The following AAGAB variants were observed in gnomAD, a reference collection of about 807,000 sequenced individuals.
AAGAB encodes the protein alpha and gamma adaptin binding protein, also known as alpha- and gamma-adaptin-binding protein p34.
In AAGAB, 38 loss-of-function variants were observed where a neutral mutation model predicts 44.1. The ratio of observed to expected loss-of-function variants is 0.86; its 90% CI spans 0.67 to 1.13. The LOEUF (loss-of-function observed/expected upper bound fraction) is 1.13. Among genes scored for constraint, AAGAB ranks in the 50% most tolerant of loss-of-function variants. AAGAB has a pLI of 0.00. For missense variants in AAGAB, 450 were observed against 373.8 expected (o/e 1.20, Z -1.68); for synonymous variants, 131 against 131.8 (o/e 0.99, Z 0.04).
chr15:67,225,278 G>A (rs546068354), intron 5 of AAGAB, among the ~76,000 whole-genome samples: 26 of 152,240 alleles, frequency 1.7e-4, no homozygotes, highest in South Asian at 4.1e-4. Flanking sequence ...GATTTTGCAC[G>A]TATACTATCA....
intron 5 of AAGAB, among the ~76,000 whole-genome samples, chr15:67,225,870 C>A (rs1595994967): frequency 6.6e-6 from 1 of 152,280 alleles, no homozygotes; most frequent in East Asian, 1.9e-4. Context: ...GTTTCCAGTT[C>A]TCTTCGGTAT....
chr15:67,238,920 C>A (rs1049877465), intron 1 of AAGAB, among the ~76,000 whole-genome samples: 1 of 152,170 alleles, frequency 6.6e-6, no homozygotes, highest in Non-Finnish European at 1.5e-5. Context: ...TGGTCTCGAT[C>A]TCCTGACCTC....
chr15:67,237,083 G>GA (rs996344182), intron 1 of AAGAB, among the ~76,000 whole-genome samples: 10 of 151,886 alleles, frequency 6.6e-5, no homozygotes, highest in African/African-American at 2.4e-4. Flanking sequence ...AGTAGTAAAG[G>GA]AAAAAACAGT....
intron 1 of AAGAB, among the ~76,000 whole-genome samples, chr15:67,238,941 C>A (rs1040851745): frequency 2.0e-5 from 3 of 152,068 alleles, no homozygotes; most frequent in Non-Finnish European, 2.9e-5. Flanking sequence ...GTGATCCGCC[C>A]GCCTCGGCCT....
intron 5 of AAGAB, among the ~76,000 whole-genome samples, chr15:67,218,943 A>C (rs1335311912): frequency 2.0e-5 from 3 of 152,170 alleles, no homozygotes; most frequent in African/African-American, 7.2e-5. Context: ...CTATGACTGG[A>C]GATATCTAAA....
At position 67,252,975 on chromosome 15, in the gene AAGAB, G is replaced by T. The variant is rs112672270; in HGVS notation, c.73+1584C>A. 5.7e-3 allele frequency among the ~76,000 whole-genome samples: 866 copies of T among 152,242 alleles called. 6 individuals carry two copies. The highest frequency in any genetic ancestry group is 0.02 in the African/African-American group (818 of 41,536). ...CTGTCCTTCAAATACTCCTGAAATA[G>T]GCTCATATGCCCCATTTTAAGGATC... On this transcript the variant is annotated intron_variant, in intron 1 of 9. Transcript: ENST00000261880.
chr15:67,233,164 A>G (rs1964380686), intron 4 of AAGAB, among the ~76,000 whole-genome samples: 1 of 152,238 alleles, frequency 6.6e-6, no homozygotes, highest in South Asian at 2.1e-4. Context: ...TGTGCTGGAA[A>G]CCATAGAATA....
At chr15:67,217,075 CAGAT>C (rs980458995) in intron 5 of AAGAB, among the ~76,000 whole-genome samples, 8 of 151,514 alleles carry the variant, frequency 5.3e-5, no homozygotes, top group Admixed American at 1.3e-4. Context: ...CCCACACACA[CAGAT>C]AGAGATCAAC....
intron 5 of AAGAB, among the ~76,000 whole-genome samples, chr15:67,211,423 C>G (rs183680205): frequency 9.9e-5 from 15 of 152,194 alleles, no homozygotes; most frequent in African/African-American, 3.6e-4. Flanking sequence ...GCTCAGAGGC[C>G]CGAGAGAAGC....
intron 2 of AAGAB, 37 bp from the exon 3 acceptor site, chr15:67,236,541 A>G: frequency 6.2e-7 from 1 of 1,608,512 alleles, no homozygotes; most frequent in Non-Finnish European, 8.5e-7. Flanking sequence ...ACAAAAACAG[A>G]AAAGAGATAG....
rs746266917 is a variant in AAGAB, at chr15:67,231,900, A to C, written c.452-3T>G. On this transcript the variant is annotated splice_region_variant and splice_polypyrimidine_tract_variant and intron_variant, in intron 4 of 9. Coordinates refer to ENST00000261880, the MANE Select transcript of AAGAB (RefSeq NM_024666.5). ...TCCTGTAGATTCTGGGAAGTCATCT[A>C]ATCAGGGAGGGGAAATATATATATT... The C allele has an allele frequency of 1.2e-6, 2 of 1,600,508 alleles. No individual in the cohort carries two copies. The highest frequency in any genetic ancestry group is 1.3e-5 in the African/African-American group (1 of 74,594).
intron 5 of AAGAB, among the ~76,000 whole-genome samples, chr15:67,219,754 A>C (rs1007108381): frequency 6.6e-6 from 1 of 152,224 alleles, no homozygotes; most frequent in Non-Finnish European, 1.5e-5. Context: ...AATAAAAATA[A>C]AAATTTTTTT....
In AAGAB at chr15:67,222,239, C is replaced by T. The variant is rs1051239324; in HGVS notation, c.535+9575G>A. Among the ~76,000 whole-genome samples, 16 of 66,996 alleles carry T rather than the reference C, an allele frequency of 2.4e-4. No individual in the cohort carries two copies. The East Asian group carries it at 2.4e-3, about 10-fold the overall frequency. The allele number at this position is 66,996 out of a possible 152,430, so 44.0% of individuals were successfully genotyped here. On this transcript the variant is annotated intron_variant, in intron 5 of 9. Transcript: ENST00000261880. The stretch of plus-strand genomic sequence containing the variant: ...ACATGCATGCACGCGCACGCGCGCG[C>T]GCGCACACACACACACACACACACA...
chr15:67,244,497 C>T lies in AAGAB; in HGVS notation c.74-7677G>A, dbSNP rs1596015172. ...TTTCATTAATAAGAAGACCAGAAAA[C>T]CAATTTAAAAGCGGGCAAAAAAGAG... On this transcript the variant is annotated intron_variant, in intron 1 of 9. Coordinates refer to ENST00000261880, the MANE Select transcript of AAGAB (RefSeq NM_024666.5). 2.0e-5 allele frequency among the ~76,000 whole-genome samples: 3 copies of T among 151,878 alleles called. No homozygotes were observed. The South Asian group carries it at 6.2e-4, about 32-fold the overall frequency.
chr15:67,254,470 G>C lies in AAGAB; in HGVS notation c.73+89C>G, dbSNP rs990535236. 107 of 1,484,104 alleles carry C rather than the reference G, an allele frequency of 7.2e-5. 2 individuals are homozygous for C. The South Asian group carries it at 1.3e-3, about 18-fold the overall frequency. 91.9% of individuals were successfully genotyped at this position (1,484,104 alleles called of 1,614,324 possible). On this transcript the variant is annotated intron_variant, in intron 1 of 9. Transcript: ENST00000261880. The stretch of plus-strand genomic sequence containing the variant: ...GGAAGAACGCAGGGCCCGCTGCGGG[G>C]ACAAGGCCCAGAGAGGCCGTGGTGC...
In AAGAB at chr15:67,236,707, C is replaced by T; in HGVS notation, c.187G>A (p.Val63Met). Reference sequence around the variant, plus strand: ...GCAGTAACAAGAAATTTGTTTGGCACCACACATAGATTGATGTCTGCTGAA... The same window carrying T: ...GCAGTAACAAGAAATTTGTTTGGCATCACACATAGATTGATGTCTGCTGAA... ...YYSADINLCVVPNKFLVTAEI... is the reference protein window; with the variant it reads ...YYSADINLCVMPNKFLVTAEI... Residue 63 changes from valine (V) to methionine (M), a missense_variant, in exon 2 of 10, where the codon GTG becomes ATG. Transcript: ENST00000261880. The T allele has an allele frequency of 1.2e-6, 2 of 1,613,964 alleles. No homozygotes were observed. The highest frequency in any genetic ancestry group is 8.5e-7 in the Non-Finnish European group (1 of 1,179,906).
At chr15:67,242,902 G>C (rs1279344538) in intron 1 of AAGAB, 2 of 152,158 alleles carry the variant, frequency 1.3e-5, no homozygotes, top group African/African-American at 2.4e-5. Flanking sequence ...TTTAACAATA[G>C]TACAGAGATT....
intron 1 of AAGAB, among the ~76,000 whole-genome samples, chr15:67,244,523 C>G (rs931887097): frequency 1.3e-5 from 2 of 152,016 alleles, no homozygotes; most frequent in Admixed American, 6.6e-5. Flanking sequence ...CAAAAAAGAG[C>G]CAGGCACGGT....
At chr15:67,217,616 C>A (rs1359298794) in intron 5 of AAGAB, among the ~76,000 whole-genome samples, 3 of 152,134 alleles carry the variant, frequency 2.0e-5, no homozygotes, top group Non-Finnish European at 4.4e-5. Flanking sequence ...TGGCTCACTG[C>A]AACCTCCGCC....
Sources: allele counts gnomAD v4.1 joint callset (sites outside exome capture counted in the v4.1 genomes callset), GRCh38; gene constraint gnomAD v4.1.1; transcripts MANE v1.5; gene names NCBI Gene and HGNC (gene_info 2026-07-23, HGNC 2026-07-21).